The following LARGE1 variants were observed in gnomAD, a reference collection of about 807,000 sequenced individuals.
The protein encoded by LARGE1 is xylosyl- and glucuronyltransferase LARGE1.
Under a neutral mutation model 87.6 loss-of-function variants are expected in LARGE1, and 43 were observed. That is an observed-to-expected ratio of 0.49 (90% CI 0.38 to 0.63). The LOEUF (loss-of-function observed/expected upper bound fraction) is 0.63, where lower values mean the gene tolerates loss of function less well. LARGE1 is among the 30% of genes least tolerant of loss of function. The probability of loss-of-function intolerance (pLI) is 0.00; values close to 1 mark genes in which losing one functional copy is unlikely to be tolerated. For synonymous variants in LARGE1, 434 were observed against 394.6 expected (o/e 1.10, Z -1.18); for missense variants, 802 against 1,000.2 (o/e 0.80, Z 2.67).
intron 6 of LARGE1, among the ~76,000 whole-genome samples, chr22:33,556,997 T>G (rs1300610374): frequency 6.6e-5 from 10 of 152,158 alleles, no homozygotes; most frequent in Admixed American, 6.5e-4. Context: ...AGAGTGAGAC[T>G]GTTTCACGAA....
intron 6 of LARGE1, among the ~76,000 whole-genome samples, chr22:33,492,429 T>C (rs1286636640): frequency 6.6e-6 from 1 of 152,214 alleles, no homozygotes; most frequent in African/African-American, 2.4e-5. Context: ...GCACCACACT[T>C]TCCCTTTACA....
At chr22:33,876,377 G>T (rs532078914) in intron 1 of LARGE1, among the ~76,000 whole-genome samples, 1 of 152,032 alleles carries the variant, frequency 6.6e-6, no homozygotes, top group Non-Finnish European at 1.5e-5. Context: ...TGATGGGAGA[G>T]GGGGAGGTGC....
At chr22:33,394,420 G>A (rs137976685) in intron 7 of LARGE1, among the ~76,000 whole-genome samples, 17 of 152,162 alleles carry the variant, frequency 1.1e-4, no homozygotes, top group African/African-American at 3.6e-4. Context: ...GGCTGGTCTC[G>A]AACTCCTGAC....
At chr22:33,676,109 A>G (rs2081569433) in intron 2 of LARGE1, among the ~76,000 whole-genome samples, 1 of 152,106 alleles carries the variant, frequency 6.6e-6, no homozygotes, top group Admixed American at 6.5e-5. Context: ...TATTTTAGTA[A>G]CAAAAGATAT....
intron 4 of LARGE1, among the ~76,000 whole-genome samples, chr22:33,620,486 CGTG>C (rs1250775914): frequency 2.0e-5 from 3 of 152,142 alleles, no homozygotes; most frequent in Non-Finnish European, 4.4e-5. Context: ...GTGATACAGA[CGTG>C]TATTGTGCTA....
In LARGE1 at chr22:33,825,089, C is replaced by T. The variant is rs921590601; in HGVS notation, c.-82-63531G>A. ...TTTGTCATTCCAGCAGTTGATCAGTCGATGAGCAACTTAAAGACTGAGCTT... is the reference window on the plus strand; with the variant it reads ...TTTGTCATTCCAGCAGTTGATCAGTTGATGAGCAACTTAAAGACTGAGCTT... On this transcript the variant is annotated intron_variant, in intron 1 of 14. Coordinates refer to ENST00000397394, the MANE Select transcript of LARGE1 (RefSeq NM_133642.5). 3.9e-5 allele frequency among the ~76,000 whole-genome samples: 6 copies of T among 152,156 alleles called. 1 individual carries two copies. Among genetic ancestry groups the T allele is most frequent in the South Asian group, 4.1e-4 (2 of 4,826 alleles).
At chr22:33,250,411 G>GT (rs1236236359) in intron 11 of LARGE1, among the ~76,000 whole-genome samples, 3 of 152,110 alleles carry the variant, frequency 2.0e-5, no homozygotes, top group South Asian at 2.1e-4. Flanking sequence ...AGTTCCATGC[G>GT]TTTTTTGTCA....
intron 11 of LARGE1, among the ~76,000 whole-genome samples, chr22:33,220,241 C>G (rs1049250676): frequency 1.3e-5 from 2 of 152,214 alleles, no homozygotes; most frequent in African/African-American, 4.8e-5. Flanking sequence ...AAGCCATTTT[C>G]TCAAAATGAC....
chr22:33,143,607 A>AT, the LARGE1 span, among the ~76,000 whole-genome samples: 12 of 151,292 alleles, frequency 7.9e-5, no homozygotes, highest in African/African-American at 1.9e-4. Context: ...CCTGCATGTG[A>AT]TTTTTTTTTC....
In LARGE1 at chr22:33,545,418, T is replaced by TAACACACA. The variant is rs2077333060; in HGVS notation, c.787+19422_787+19429dup. Among the ~76,000 whole-genome samples the TAACACACA allele has an allele frequency of 2.4e-5, 2 of 83,192 alleles. 1 individual carries two copies. The highest frequency in any genetic ancestry group is 6.5e-4 in the South Asian group (2 of 3,074). 54.6% of individuals were successfully genotyped at this position (83,192 alleles called of 152,430 possible). ...ACAGGTGTGCACCACTACACCCAGC[T>TAACACACA]AACACACACACACACACACACACAC... On this transcript the variant is annotated intron_variant, in intron 6 of 14. Coordinates refer to ENST00000397394, the MANE Select transcript of LARGE1 (RefSeq NM_133642.5).
chr22:33,628,244 T>C (rs1349269675), intron 3 of LARGE1, among the ~76,000 whole-genome samples: 1 of 152,060 alleles, frequency 6.6e-6, no homozygotes, highest in Non-Finnish European at 1.5e-5. Flanking sequence ...TACAGTATTA[T>C]CATTTTAGTA....
chr22:33,247,655 CT>C (rs1289100873), intron 11 of LARGE1, among the ~76,000 whole-genome samples: 8 of 152,302 alleles, frequency 5.3e-5, no homozygotes, highest in African/African-American at 1.7e-4. Context: ...TAAATCTATT[CT>C]TTTTGCGTCA....
At chr22:33,722,953 AG>A (rs1414014755) in intron 2 of LARGE1, among the ~76,000 whole-genome samples, 3 of 152,128 alleles carry the variant, frequency 2.0e-5, no homozygotes, top group Non-Finnish European at 4.4e-5. Flanking sequence ...AATTAGAGCA[AG>A]ATCCTGGAAT....
intron 7 of LARGE1, among the ~76,000 whole-genome samples, chr22:33,414,166 G>C (rs1474605703): frequency 6.6e-6 from 1 of 152,018 alleles, no homozygotes; most frequent in African/African-American, 2.4e-5. Flanking sequence ...CCCAAAAACA[G>C]TGTTTAAAGG....
At chr22:33,620,939 G>A (rs568066010) in intron 4 of LARGE1, among the ~76,000 whole-genome samples, 6 of 151,456 alleles carry the variant, frequency 4.0e-5, no homozygotes, top group African/African-American at 1.5e-4. Flanking sequence ...AAAAAAACAA[G>A]ATTACCTTTA....
chr22:33,104,971 T>C, the LARGE1 span, among the ~76,000 whole-genome samples: 422 of 145,234 alleles, frequency 2.9e-3, 2 homozygotes, highest in Middle Eastern at 3.5e-3. Context: ...CTCTCTTTCT[T>C]TCTTTCTTTT....
intron 11 of LARGE1, among the ~76,000 whole-genome samples, chr22:33,267,055 C>A (rs1168253414): frequency 6.6e-6 from 1 of 151,524 alleles, no homozygotes. Context: ...GCCTGGCCAA[C>A]ATGGCAAAAC....
intron 12 of LARGE1, 123 bp from the exon 13 acceptor site, chr22:33,283,471 C>T (rs1930881363): frequency 1.8e-6 from 2 of 1,097,600 alleles, no homozygotes; most frequent in Admixed American, 1.9e-5. Flanking sequence ...AGGTCATCCT[C>T]TCAATTAAAG....
At chr22:33,335,227 A>C (rs900344588) in intron 10 of LARGE1, among the ~76,000 whole-genome samples, 2 of 152,256 alleles carry the variant, frequency 1.3e-5, no homozygotes, top group African/African-American at 4.8e-5. Flanking sequence ...AGAGAACTGA[A>C]GGAAAAACTG....
Sources: gnomAD v4.1 joint callset for allele counts (sites outside exome capture counted in the v4.1 genomes callset) on GRCh38, gnomAD v4.1.1 for gene constraint, MANE v1.5 for transcripts, NCBI Gene and HGNC (gene_info 2026-07-23, HGNC 2026-07-21) for gene names.